Variants in MYT1L observed in about 807,000 individuals in gnomAD.
MYT1L encodes myelin transcription factor 1-like protein.
Under a neutral mutation model 126.7 loss-of-function variants are expected in MYT1L, and 12 were observed. That is an observed-to-expected ratio of 0.09 (90% CI 0.06 to 0.15). The LOEUF is 0.15. Ranked by LOEUF, MYT1L falls within the 10% of genes least tolerant of loss-of-function variation. The pLI is 1.00. For missense variants in MYT1L, 979 were observed against 1,585.2 expected (o/e 0.62, Z 6.49); for synonymous variants, 541 against 604.2 (o/e 0.90, Z 1.53).
At chr2:2,195,303 A>G (rs1404201996) in intron 2 of MYT1L, among the ~76,000 whole-genome samples, 1 of 152,244 alleles carries the variant, frequency 6.6e-6, no homozygotes, top group Non-Finnish European at 1.5e-5. Flanking sequence ...GGTAAACACC[A>G]TAGGCTTCCA....
intron 22 of MYT1L, among the ~76,000 whole-genome samples, chr2:1,807,600 C>T (rs908294384): frequency 2.0e-5 from 3 of 152,146 alleles, no homozygotes; most frequent in African/African-American, 7.2e-5. Flanking sequence ...ATTAGGGGTG[C>T]ATCTTGCAAG....
At chr2:1,938,932 G>T (rs989553421) in intron 9 of MYT1L, among the ~76,000 whole-genome samples, 1 of 152,182 alleles carries the variant, frequency 6.6e-6, no homozygotes, top group Admixed American at 6.5e-5. Context: ...TAATCTGGGG[G>T]TTTGTATACA....
intron 8 of MYT1L, among the ~76,000 whole-genome samples, chr2:1,947,708 G>A (rs1183053254): frequency 6.6e-6 from 1 of 152,302 alleles, no homozygotes; most frequent in Non-Finnish European, 1.5e-5. Flanking sequence ...TGGAGGAAGA[G>A]GGACAATAAA....
intron 2 of MYT1L, among the ~76,000 whole-genome samples, chr2:2,185,556 G>C (rs1366407436): frequency 6.7e-6 from 1 of 148,364 alleles, no homozygotes; most frequent in African/African-American, 2.5e-5. Context: ...GGGCCTCCTC[G>C]AGTCCCGCGT....
At chr2:2,009,394 T>C (rs1250597646) in intron 4 of MYT1L, among the ~76,000 whole-genome samples, 1 of 152,226 alleles carries the variant, frequency 6.6e-6, no homozygotes, top group African/African-American at 2.4e-5. Context: ...TAATGTTTTA[T>C]AGTTTTTGGT....
intron 1 of MYT1L, among the ~76,000 whole-genome samples, chr2:2,293,227 A>G (rs1263859357): frequency 1.3e-5 from 2 of 152,150 alleles, no homozygotes; most frequent in Non-Finnish European, 2.9e-5. Context: ...ATGTAATCCA[A>G]AGGGCTGAGG....
At chr2:2,209,657 A>G (rs1034421386) in intron 2 of MYT1L, among the ~76,000 whole-genome samples, 4 of 152,336 alleles carry the variant, frequency 2.6e-5, no homozygotes, top group Admixed American at 2.6e-4. Context: ...AAATATATGT[A>G]TGCATATGTA....
intron 4 of MYT1L, among the ~76,000 whole-genome samples, chr2:2,011,837 C>T (rs751463398): frequency 2.0e-5 from 3 of 152,196 alleles, no homozygotes; most frequent in Non-Finnish European, 4.4e-5. Context: ...ATGCTATACC[C>T]ACTGGGATGT....
chr2:2,106,610 T>C lies in MYT1L; in HGVS notation c.-303-52487A>G, dbSNP rs568401875. Among the ~76,000 whole-genome samples the C allele has an allele frequency of 1.8e-4, 27 of 151,892 alleles. No individual in the cohort carries two copies. The South Asian group carries it at 5.4e-3, about 30-fold the overall frequency. On this transcript the variant is annotated intron_variant, in intron 3 of 24. Transcript: ENST00000647738. ...TCCAGCCTGGGCAACAGAGTGAGAC[T>C]CCATCTCAAAAATAAATAAATAAAT...
chr2:1,946,911 C>T lies in MYT1L; in HGVS notation c.153-3577G>A, dbSNP rs2057281973. 2.6e-5 allele frequency among the ~76,000 whole-genome samples: 4 copies of T among 152,178 alleles called. No individual in the cohort carries two copies. The South Asian group carries it at 8.3e-4, about 32-fold the overall frequency. ...CTGAGTAGACTTGTTCTGGTGGATA[C>T]CTTCTGTGTTTGTTCAGTTAGCAGA... On this transcript the variant is annotated intron_variant, in intron 8 of 24. Transcript: ENST00000647738.
intron 2 of MYT1L, among the ~76,000 whole-genome samples, chr2:2,219,020 G>A (rs2093774932): frequency 6.6e-6 from 1 of 152,154 alleles, no homozygotes; most frequent in African/African-American, 2.4e-5. Flanking sequence ...ACATTGGCAT[G>A]GCTAAGTTTG....
At chr2:1,886,816 T>C (rs925248940) in intron 17 of MYT1L, among the ~76,000 whole-genome samples, 1 of 152,296 alleles carries the variant, frequency 6.6e-6, no homozygotes, top group South Asian at 2.1e-4. Context: ...TGTTTAAAAA[T>C]AAGATAAAAC....
chr2:1,831,203 AG>A (rs1382143153), intron 21 of MYT1L, among the ~76,000 whole-genome samples: 9 of 149,802 alleles, frequency 6.0e-5, no homozygotes, highest in Admixed American at 5.3e-4. Flanking sequence ...CTCTGCTCCG[AG>A]GACCCCTGGC....
At chr2:1,823,487 G>A (rs1273314899) in intron 21 of MYT1L, among the ~76,000 whole-genome samples, 3 of 152,224 alleles carry the variant, frequency 2.0e-5, no homozygotes, top group South Asian at 2.1e-4. Context: ...TGTGGTTGAC[G>A]CTGGAGGGCA....
intron 2 of MYT1L, among the ~76,000 whole-genome samples, chr2:2,188,788 C>G (rs2092385851): frequency 6.6e-6 from 1 of 152,164 alleles, no homozygotes; most frequent in South Asian, 2.1e-4. Flanking sequence ...TGTCATCTTG[C>G]TGACAAGCTG....
In MYT1L at chr2:2,281,468, A is replaced by G. The variant is rs555396882; in HGVS notation, c.-421+2936T>C. ...TAATATGTACAGAAGTGGGAAGAGT[A>G]AATGCTTGTGTCTTCCTGATTGATT... On this transcript the variant is annotated intron_variant, in intron 2 of 24. Coordinates refer to ENST00000647738, the MANE Select transcript of MYT1L (RefSeq NM_001303052.2). Among the ~76,000 whole-genome samples, 28 of 152,306 alleles carry G rather than the reference A, an allele frequency of 1.8e-4. No homozygotes were observed. In the South Asian group the frequency reaches 5.8e-3, roughly 32 times the overall value.
At chr2:2,065,876 T>A (rs2150187877) in intron 3 of MYT1L, among the ~76,000 whole-genome samples, 1 of 150,314 alleles carries the variant, frequency 6.7e-6, no homozygotes, top group Non-Finnish European at 1.5e-5. Flanking sequence ...ACACAGAGCA[T>A]CTAGAACCAA....
At chr2:2,320,926 C>A (rs1265019848) in intron 1 of MYT1L, among the ~76,000 whole-genome samples, 1 of 152,214 alleles carries the variant, frequency 6.6e-6, no homozygotes, top group Non-Finnish European at 1.5e-5. Flanking sequence ...CTTTCCACGA[C>A]CCAGACAACA....
At chr2:2,107,776 GC>G (rs1350767928) in intron 3 of MYT1L, among the ~76,000 whole-genome samples, 4 of 152,232 alleles carry the variant, frequency 2.6e-5, no homozygotes, top group Non-Finnish European at 4.4e-5. Context: ...TAGACGTTGA[GC>G]CGCGAATGAG....
Sources: gnomAD v4.1 joint callset for allele counts (sites outside exome capture counted in the v4.1 genomes callset) on GRCh38, gnomAD v4.1.1 for gene constraint, MANE v1.5 for transcripts, NCBI Gene and HGNC (gene_info 2026-07-23, HGNC 2026-07-21) for gene names.